NTM: variants seen among roughly 807,000 people sequenced by gnomAD.
The protein encoded by NTM is IgLON family member 2.
NTM carries 13 observed loss-of-function variants against 42.1 expected under a neutral mutation model. That is an observed-to-expected ratio of 0.31 (90% CI 0.20 to 0.49). NTM has a LOEUF of 0.49. NTM is among the 20% of genes least tolerant of loss of function. The pLI is 0.99. For missense variants in NTM, 373 were observed against 452.8 expected (o/e 0.82, Z 1.60); for synonymous variants, 187 against 179.2 (o/e 1.04, Z -0.35).
chr11:131,695,726 G>A (rs546858189), intron 1 of NTM, among the ~76,000 whole-genome samples: 1 of 152,258 alleles, frequency 6.6e-6, no homozygotes, highest in African/African-American at 2.4e-5. Context: ...CAGAAAGATT[G>A]AGCATTTATT....
At chr11:131,791,191 C>A (rs1477446384) in intron 1 of NTM, among the ~76,000 whole-genome samples, 1 of 152,160 alleles carries the variant, frequency 6.6e-6, no homozygotes, top group Non-Finnish European at 1.5e-5. Context: ...CTAGTTTCAG[C>A]CTACTGACTT....
intron 4 of NTM, among the ~76,000 whole-genome samples, chr11:132,256,724 G>A (rs143441595): frequency 3.5e-3 from 533 of 151,924 alleles, no homozygotes; most frequent in Non-Finnish European, 6.1e-3. Context: ...CGGCACATGA[G>A]TGCATCTGTT....
intron 1 of NTM, among the ~76,000 whole-genome samples, chr11:131,821,217 C>G (rs1565593556): frequency 6.6e-6 from 1 of 152,188 alleles, no homozygotes; most frequent in African/African-American, 2.4e-5. Flanking sequence ...TGTCAAGAAG[C>G]ATTACCATCA....
At chr11:132,294,795 C>T (rs2094557475) in intron 4 of NTM, among the ~76,000 whole-genome samples, 1 of 152,130 alleles carries the variant, frequency 6.6e-6, no homozygotes, top group African/African-American at 2.4e-5. Context: ...TGCAATCATT[C>T]CACTACTAAT....
intron 2 of NTM, among the ~76,000 whole-genome samples, chr11:132,125,084 T>C (rs1451577795): frequency 6.6e-6 from 1 of 152,140 alleles, no homozygotes; most frequent in African/African-American, 2.4e-5. Flanking sequence ...CACCCTGCCT[T>C]CCTCACACTG....
chr11:131,485,644 T>C (rs561830808), intron 1 of NTM, among the ~76,000 whole-genome samples: 2 of 152,300 alleles, frequency 1.3e-5, no homozygotes, highest in South Asian at 2.1e-4. Flanking sequence ...AGTAGTAAAT[T>C]AGCAATAAGT....
chr11:132,026,470 G>A (rs1319978674), intron 2 of NTM, among the ~76,000 whole-genome samples: 1 of 152,148 alleles, frequency 6.6e-6, no homozygotes, highest in East Asian at 1.9e-4. Context: ...AGGTTCCAGA[G>A]GTACCCAGAA....
At position 131,433,021 on chromosome 11, in the gene NTM, A is replaced by AT. The variant is rs563467187; in HGVS notation, c.82+62139dup. Among the ~76,000 whole-genome samples the AT allele has an allele frequency of 5.6e-3, 846 of 151,282 alleles. 10 individuals carry two copies. Among genetic ancestry groups the AT allele is most frequent in the African/African-American group, 0.02 (810 of 41,224 alleles). On this transcript the variant is annotated intron_variant, in intron 1 of 8. Transcript: ENST00000683400. ...AGGCGCCCGCCACCACGCCCGGCTAATTTTTTGTATTCTTTTTAGTAGAGA... is the reference window on the plus strand; with the variant it reads ...AGGCGCCCGCCACCACGCCCGGCTAATTTTTTTGTATTCTTTTTAGTAGAGA...
At chr11:132,100,341 G>T (rs1388244108) in intron 2 of NTM, among the ~76,000 whole-genome samples, 1 of 152,210 alleles carries the variant, frequency 6.6e-6, no homozygotes, top group African/African-American at 2.4e-5. Flanking sequence ...ATCAGGGATT[G>T]ATTTGGAAGA....
chr11:131,425,443 A>T (rs929418055), intron 1 of NTM, among the ~76,000 whole-genome samples: 1 of 152,208 alleles, frequency 6.6e-6, no homozygotes, highest in African/African-American at 2.4e-5. Flanking sequence ...TATACACATT[A>T]AAAGCCCAAC....
intron 1 of NTM, among the ~76,000 whole-genome samples, chr11:131,849,506 A>G (rs1254263549): frequency 6.6e-6 from 1 of 152,008 alleles, no homozygotes; most frequent in East Asian, 1.9e-4. Flanking sequence ...TGAAAAACTC[A>G]CTATCACAAG....
intron 1 of NTM, among the ~76,000 whole-genome samples, chr11:131,729,807 T>C (rs1367069729): frequency 6.6e-6 from 1 of 152,258 alleles, no homozygotes; most frequent in Non-Finnish European, 1.5e-5. Context: ...ATATTTTCTT[T>C]ATCCATTTAT....
rs544463631 is a variant in NTM, at chr11:131,572,707, G to A, written c.82+201819G>A. Among the ~76,000 whole-genome samples the A allele has an allele frequency of 1.2e-3, 183 of 152,240 alleles. 2 individuals are homozygous for A. Among genetic ancestry groups the A allele is most frequent in the East Asian group, 5.8e-4 (3 of 5,158 alleles). On this transcript the variant is annotated intron_variant, in intron 1 of 8. Coordinates refer to ENST00000683400, the MANE Select transcript of NTM (RefSeq NM_001352005.2). Reference sequence around the variant, plus strand: ...GGCTCTGGGAGCTTAAAAAGCCCACGTCACCCTAGAAAAGAGGCTATTAAG... The same window carrying A: ...GGCTCTGGGAGCTTAAAAAGCCCACATCACCCTAGAAAAGAGGCTATTAAG...
At chr11:132,323,748 C>A (rs1213427883) in intron 7 of NTM, among the ~76,000 whole-genome samples, 10 of 152,116 alleles carry the variant, frequency 6.6e-5, no homozygotes, top group Non-Finnish European at 1.2e-4. Context: ...GACCAATATC[C>A]TTGATGAACA....
chr11:131,425,713 A>G (rs573062122), intron 1 of NTM, among the ~76,000 whole-genome samples: 1 of 152,280 alleles, frequency 6.6e-6, no homozygotes, highest in Admixed American at 6.5e-5. Flanking sequence ...TGCAGGAGCT[A>G]GGGAGGGGGC....
chr11:132,299,355 A>G (rs545553770), intron 4 of NTM, among the ~76,000 whole-genome samples: 28 of 152,342 alleles, frequency 1.8e-4, no homozygotes, highest in Middle Eastern at 3.4e-3. Context: ...GCTTATGCAA[A>G]GGGTATAGTG....
At chr11:131,915,894 C>T (rs1376583073) in intron 2 of NTM, among the ~76,000 whole-genome samples, 1 of 152,182 alleles carries the variant, frequency 6.6e-6, no homozygotes, top group Non-Finnish European at 1.5e-5. Context: ...TCCCACAACA[C>T]ATAGGAATTA....
intron 1 of NTM, among the ~76,000 whole-genome samples, chr11:131,565,366 G>A (rs1279732165): frequency 6.6e-6 from 1 of 152,156 alleles, no homozygotes; most frequent in African/African-American, 2.4e-5. Context: ...AACCAATATT[G>A]TTGGCCCAGG....
intron 1 of NTM, among the ~76,000 whole-genome samples, chr11:131,528,684 C>T (rs553337225): frequency 1.1e-4 from 17 of 152,144 alleles, no homozygotes; most frequent in South Asian, 6.2e-4. Context: ...TTTTATCTAC[C>T]GCCTCCCACA....
Sources: allele counts gnomAD v4.1 joint callset (sites outside exome capture counted in the v4.1 genomes callset), GRCh38; gene constraint gnomAD v4.1.1; transcripts MANE v1.5; gene names NCBI Gene and HGNC (gene_info 2026-07-23, HGNC 2026-07-21).